The following SLC39A11 variants were observed in gnomAD, a reference collection of about 807,000 sequenced individuals.
SLC39A11 encodes the protein zinc transporter ZIP11.
Under a neutral mutation model 36.1 loss-of-function variants are expected in SLC39A11, and 33 were observed. The ratio of observed to expected loss-of-function variants is 0.91; its 90% CI spans 0.69 to 1.22. SLC39A11 has a LOEUF of 1.22. Among genes scored for constraint, SLC39A11 ranks in the 50% most tolerant of loss-of-function variants. The probability of loss-of-function intolerance (pLI) is 0.00; values close to 1 mark genes in which losing one functional copy is unlikely to be tolerated. For synonymous variants in SLC39A11, 166 were observed against 170.3 expected, an observed-to-expected ratio of 0.97 and a Z score of 0.20; for missense variants, 432 against 430.3, an observed-to-expected ratio of 1.00 and a Z score of -0.03.
chr17:72,803,626 TGA>T (rs2077164227), intron 6 of SLC39A11, among the ~76,000 whole-genome samples: 1 of 152,188 alleles, frequency 6.6e-6, no homozygotes, highest in Admixed American at 6.5e-5. Flanking sequence ...ATAGTCCCAC[TGA>T]GAGATGACTC....
intron 6 of SLC39A11, among the ~76,000 whole-genome samples, chr17:72,811,020 T>G (rs2145395588): frequency 6.6e-6 from 1 of 151,792 alleles, no homozygotes; most frequent in Middle Eastern, 3.4e-3. Context: ...GTTGTATATT[T>G]AAGATTTGTT....
Position 72,923,754 on chromosome 17 carries a change from G to A in SLC39A11, c.430+23998C>T, listed in dbSNP as rs564061539. Among the ~76,000 whole-genome samples, 10 of 152,204 alleles carry A rather than the reference G, an allele frequency of 6.6e-5. No homozygotes were observed. The South Asian group carries it at 1.9e-3, about 28-fold the overall frequency. ...AGACGAGCTCAGAAAAGAGTTAGCT[G>A]GTTTTCCAATAGGATTGAGGCGGGA... On this transcript the variant is annotated intron_variant, in intron 5 of 9. Transcript: ENST00000255559.
chr17:72,945,378 C>G (rs759739378), intron 5 of SLC39A11, among the ~76,000 whole-genome samples: 6 of 152,322 alleles, frequency 3.9e-5, no homozygotes, highest in South Asian at 4.1e-4. Context: ...ATGTTATTCA[C>G]TAAATACCCA....
At chr17:72,852,228 A>AAAAAAAAAAAAAAAAAC (rs1491123331) in intron 5 of SLC39A11, among the ~76,000 whole-genome samples, 28 of 134,892 alleles carry the variant, frequency 2.1e-4, no homozygotes, top group Non-Finnish European at 3.2e-4. Flanking sequence ...AAAAAAAAAA[A>AAAAAAAAAAAAAAAAAC]CAGAAAGAAA....
chr17:72,667,354 C>T (rs142192195), intron 7 of SLC39A11, among the ~76,000 whole-genome samples: 4 of 152,238 alleles, frequency 2.6e-5, no homozygotes, highest in Non-Finnish European at 2.9e-5. Flanking sequence ...GTGCAGGGGG[C>T]GCTTTAGAAA....
chr17:72,799,456 T>C (rs537224166), intron 6 of SLC39A11, among the ~76,000 whole-genome samples: 1 of 152,258 alleles, frequency 6.6e-6, no homozygotes, highest in South Asian at 2.1e-4. Flanking sequence ...AAAAAAGCCA[T>C]ATTTTTCTTC....
At chr17:72,935,818 C>T (rs150621832) in intron 5 of SLC39A11, among the ~76,000 whole-genome samples, 15,415 of 151,892 alleles carry the variant, frequency 0.1, 1,319 homozygotes, top group African/African-American at 0.24. Flanking sequence ...CTCCTGACCT[C>T]GTGATCCACC....
At chr17:72,722,992 G>A (rs147606419) in intron 7 of SLC39A11, among the ~76,000 whole-genome samples, 193 of 152,274 alleles carry the variant, frequency 1.3e-3, no homozygotes, top group Non-Finnish European at 2.2e-3. Context: ...GGCGGTCTAC[G>A]ATTGCATCTT....
At chr17:72,900,066 G>GAA (rs2082259715) in intron 5 of SLC39A11, among the ~76,000 whole-genome samples, 1 of 145,654 alleles carries the variant, frequency 6.9e-6, no homozygotes, top group Non-Finnish European at 1.5e-5. Context: ...GAAAGAAAGA[G>GAA]AGAGAGAGAA....
chr17:72,887,253 A>G (rs1244297069), intron 5 of SLC39A11, among the ~76,000 whole-genome samples: 1 of 152,208 alleles, frequency 6.6e-6, no homozygotes, highest in Non-Finnish European at 1.5e-5. Flanking sequence ...TCAACTGGCT[A>G]TCAACCGCAG....
chr17:73,017,175 A>T (rs897073586), intron 4 of SLC39A11, among the ~76,000 whole-genome samples: 3 of 152,214 alleles, frequency 2.0e-5, no homozygotes, highest in Admixed American at 2.0e-4. Flanking sequence ...TCTGGAGCAA[A>T]TGTTTCCAAT....
chr17:73,022,100 C>T (rs937151183), intron 4 of SLC39A11, among the ~76,000 whole-genome samples: 2 of 152,240 alleles, frequency 1.3e-5, no homozygotes, highest in African/African-American at 4.8e-5. Flanking sequence ...AGATATTTTT[C>T]CTGCAGCCTC....
At chr17:72,656,379 G>A (rs1004687556) in intron 7 of SLC39A11, among the ~76,000 whole-genome samples, 7 of 152,052 alleles carry the variant, frequency 4.6e-5, no homozygotes, top group African/African-American at 1.7e-4. Context: ...TGTCCCTTCC[G>A]TGACAAGCCA....
chr17:72,739,169 C>T (rs915929465), intron 6 of SLC39A11, among the ~76,000 whole-genome samples: 7 of 151,196 alleles, frequency 4.6e-5, no homozygotes, highest in Non-Finnish European at 1.0e-4. Context: ...ACTCTGTCGC[C>T]CAGGCTGGAG....
intron 6 of SLC39A11, among the ~76,000 whole-genome samples, chr17:72,848,662 A>G (rs1023564615): frequency 6.6e-6 from 1 of 152,042 alleles, no homozygotes; most frequent in Non-Finnish European, 1.5e-5. Context: ...CAGAGGCTGC[A>G]GTAAGCCAAG....
At position 73,039,088 on chromosome 17, in the gene SLC39A11, CA is replaced by C. The variant is rs1819774498; in HGVS notation, c.148-7375del. 2.0e-5 allele frequency among the ~76,000 whole-genome samples: 3 copies of C among 152,164 alleles called. No homozygotes were observed. The South Asian group carries it at 6.2e-4, about 32-fold the overall frequency. The stretch of plus-strand genomic sequence containing the variant: ...TACTTACTGGTTAGGTAGCCCCAGT[CA>C]AATAACCTAAGCTCTCTTCTGCAGC... On this transcript the variant is annotated intron_variant, in intron 3 of 9. Coordinates refer to ENST00000255559, the MANE Select transcript of SLC39A11 (RefSeq NM_139177.4).
At chr17:72,787,138 G>C (rs768128249) in intron 6 of SLC39A11, among the ~76,000 whole-genome samples, 2 of 151,260 alleles carry the variant, frequency 1.3e-5, no homozygotes, top group African/African-American at 4.9e-5. Flanking sequence ...TTATCTTTAA[G>C]ATGCAGTGCA....
intron 4 of SLC39A11, among the ~76,000 whole-genome samples, chr17:72,993,799 A>AT (rs2089332014): frequency 6.6e-6 from 1 of 151,798 alleles, no homozygotes; most frequent in East Asian, 1.9e-4. Context: ...AAAATTTAAG[A>AT]TTTTTTCCTA....
chr17:73,059,972 G>A (rs1287881902), intron 3 of SLC39A11, among the ~76,000 whole-genome samples: 1 of 152,038 alleles, frequency 6.6e-6, no homozygotes, highest in Non-Finnish European at 1.5e-5. Flanking sequence ...CACTTTGGGA[G>A]GCTGAGGCAG....
Sources: gnomAD v4.1 joint callset for allele counts (sites outside exome capture counted in the v4.1 genomes callset) on GRCh38, gnomAD v4.1.1 for gene constraint, MANE v1.5 for transcripts, NCBI Gene and HGNC (gene_info 2026-07-23, HGNC 2026-07-21) for gene names.